DPP10: variants seen among roughly 807,000 people sequenced by gnomAD.
The protein encoded by DPP10 is inactive dipeptidyl peptidase 10.
Under a neutral mutation model 120.9 loss-of-function variants are expected in DPP10, and 33 were observed. That is an observed-to-expected ratio of 0.27 (90% CI 0.21 to 0.37). The LOEUF is 0.37. Ranked by LOEUF, DPP10 falls within the 10% of genes least tolerant of loss-of-function variation. The pLI is 1.00. For missense variants in DPP10, 816 were observed against 942.8 expected (o/e 0.87, Z 1.76); for synonymous variants, 337 against 326.1 (o/e 1.03, Z -0.36).
intron 5 of DPP10, among the ~76,000 whole-genome samples, chr2:115,637,702 G>T (rs771682067): frequency 2.6e-5 from 4 of 152,050 alleles, no homozygotes; most frequent in Non-Finnish European, 5.9e-5. Flanking sequence ...TGTTTCATAG[G>T]CATAAGACTT....
At chr2:114,685,342 C>A (rs1038359123) in intron 1 of DPP10, among the ~76,000 whole-genome samples, 1 of 151,670 alleles carries the variant, frequency 6.6e-6, no homozygotes, top group Non-Finnish European at 1.5e-5. Flanking sequence ...GCCACTGACT[C>A]TTAGGAATCA....
In DPP10 at chr2:114,532,296, T is replaced by TATATAC. The variant is rs1342125338; in HGVS notation, c.60+89459_60+89460insTATACA. Reference sequence around the variant, plus strand: ...ATATATATATATATATATATATATATACACACACACACACACACACAGATA... The same window carrying TATATAC: ...ATATATATATATATATATATATATATATATACACACACACACACACACACACAGATA... On this transcript the variant is annotated intron_variant, in intron 1 of 25. Coordinates refer to ENST00000410059, the MANE Select transcript of DPP10 (RefSeq NM_020868.6). Among the ~76,000 whole-genome samples the TATATAC allele has an allele frequency of 7.0e-3, 521 of 74,180 alleles. 5 individuals carry two copies. Among genetic ancestry groups the TATATAC allele is most frequent in the African/African-American group, 0.01 (157 of 15,014 alleles). The allele number at this position is 74,180 out of a possible 152,430, so 48.7% of individuals were successfully genotyped here.
chr2:114,505,461 GT>G (rs879581981), intron 1 of DPP10, among the ~76,000 whole-genome samples: 71 of 144,550 alleles, frequency 4.9e-4, no homozygotes, highest in East Asian at 1.6e-3. Flanking sequence ...AAATTTATGT[GT>G]TTTTTTTTTT....
intron 5 of DPP10, among the ~76,000 whole-genome samples, chr2:115,661,315 T>C (rs1219269570): frequency 2.6e-5 from 4 of 152,334 alleles, no homozygotes; most frequent in East Asian, 1.9e-4. Flanking sequence ...GACTAGCCTT[T>C]CTATAGTTCC....
chr2:114,536,807 T>C (rs977561091), intron 1 of DPP10, among the ~76,000 whole-genome samples: 1 of 152,168 alleles, frequency 6.6e-6, no homozygotes, highest in African/African-American at 2.4e-5. Flanking sequence ...TCTAGCATTG[T>C]CATCTTTCTC....
chr2:114,452,338 T>C (rs1433699245), intron 1 of DPP10, among the ~76,000 whole-genome samples: 1 of 152,214 alleles, frequency 6.6e-6, no homozygotes, highest in Non-Finnish European at 1.5e-5. Flanking sequence ...CTTGTGTTTT[T>C]TGAAAGATCA....
chr2:115,049,709 G>A (rs1471356215), intron 1 of DPP10, among the ~76,000 whole-genome samples: 2 of 152,092 alleles, frequency 1.3e-5, no homozygotes, highest in Non-Finnish European at 2.9e-5. Context: ...GTTCATGATG[G>A]CATGTGTGAA....
At chr2:115,235,234 A>T (rs1198955725) in intron 1 of DPP10, among the ~76,000 whole-genome samples, 22 of 152,148 alleles carry the variant, frequency 1.4e-4, no homozygotes, top group Non-Finnish European at 4.4e-5. Flanking sequence ...GTTTACTGGG[A>T]CACAAAAATC....
At chr2:115,035,438 A>T (rs1704161326) in intron 1 of DPP10, among the ~76,000 whole-genome samples, 1 of 152,216 alleles carries the variant, frequency 6.6e-6, no homozygotes, top group Non-Finnish European at 1.5e-5. Flanking sequence ...TGTAATAGCT[A>T]ATCATAACTC....
At chr2:114,829,172 T>A (rs1268087304) in intron 1 of DPP10, among the ~76,000 whole-genome samples, 3 of 151,716 alleles carry the variant, frequency 2.0e-5, no homozygotes, top group African/African-American at 4.8e-5. Flanking sequence ...AACTGTAATC[T>A]CAGCTACTCG....
At chr2:115,539,489 A>G (rs537485739) in intron 5 of DPP10, among the ~76,000 whole-genome samples, 12 of 151,916 alleles carry the variant, frequency 7.9e-5, no homozygotes, top group Non-Finnish European at 1.6e-4. Context: ...CATCACAGGC[A>G]TTGTGCAAGG....
At chr2:115,756,705 T>G (rs1679447364) in intron 11 of DPP10, among the ~76,000 whole-genome samples, 1 of 152,162 alleles carries the variant, frequency 6.6e-6, no homozygotes, top group African/African-American at 2.4e-5. Flanking sequence ...CTGTAATTCC[T>G]TGTCTTGGTT....
chr2:115,045,237 A>G (rs751728200), intron 1 of DPP10, among the ~76,000 whole-genome samples: 1 of 152,208 alleles, frequency 6.6e-6, no homozygotes, highest in Non-Finnish European at 1.5e-5. Context: ...TAAATATGAC[A>G]TGCCATTCTC....
In DPP10 at chr2:115,034,042, C is replaced by T. The variant is rs1186961029; in HGVS notation, c.61-275197C>T. The stretch of plus-strand genomic sequence containing the variant: ...CCTCCAGAATAGCTGGGACTACAGG[C>T]ATGTACCACCAAGCCCAGCTAATTT... On this transcript the variant is annotated intron_variant, in intron 1 of 25. Coordinates refer to ENST00000410059, the MANE Select transcript of DPP10 (RefSeq NM_020868.6). Among the ~76,000 whole-genome samples the T allele has an allele frequency of 2.0e-5, 3 of 151,622 alleles. No homozygotes were observed. In the East Asian group the frequency reaches 5.8e-4, roughly 29 times the overall value.
intron 5 of DPP10, among the ~76,000 whole-genome samples, chr2:115,602,291 A>G (rs2083375915): frequency 2.0e-5 from 3 of 152,200 alleles, no homozygotes; most frequent in Non-Finnish European, 4.4e-5. Context: ...ATACAATGAC[A>G]GAGTTATACA....
At chr2:114,993,859 T>C (rs34350423) in intron 1 of DPP10, among the ~76,000 whole-genome samples, 10,955 of 152,094 alleles carry the variant, frequency 0.072, 434 homozygotes, top group East Asian at 0.17. Flanking sequence ...CTATTATAAT[T>C]GAAGTCCAAA....
intron 1 of DPP10, among the ~76,000 whole-genome samples, chr2:115,236,656 A>G (rs990877396): frequency 3.9e-5 from 6 of 152,210 alleles, no homozygotes; most frequent in Admixed American, 3.9e-4. Context: ...AATTAAAACC[A>G]ATGTGCCATT....
At chr2:115,255,892 G>T (rs1416211036) in intron 1 of DPP10, among the ~76,000 whole-genome samples, 1 of 152,124 alleles carries the variant, frequency 6.6e-6, no homozygotes, top group African/African-American at 2.4e-5. Context: ...CAAGTCTCTA[G>T]GAAGTTCCAA....
intron 1 of DPP10, among the ~76,000 whole-genome samples, chr2:114,987,804 C>CTTTTTTTTTTTTTTTTTTTT (rs59203543): frequency 0.013 from 1,335 of 100,958 alleles, 12 homozygotes; most frequent in Non-Finnish European, 0.015. Flanking sequence ...TGGAGACTGT[C>CTTTTTTTTTTTTTTTTTTTT]TTTTTTTTTT....
Sources: gnomAD v4.1 joint callset for allele counts (sites outside exome capture counted in the v4.1 genomes callset) on GRCh38, gnomAD v4.1.1 for gene constraint, MANE v1.5 for transcripts, NCBI Gene and HGNC (gene_info 2026-07-23, HGNC 2026-07-21) for gene names.